VPS13B: variants seen among roughly 807,000 people sequenced by gnomAD.
The protein encoded by VPS13B is vacuolar protein sorting 13 homolog B, also known as intermembrane lipid transfer protein VPS13B.
Under a neutral mutation model 426.4 loss-of-function variants are expected in VPS13B, and 285 were observed. That is an observed-to-expected ratio of 0.67 (90% CI 0.61 to 0.74). The LOEUF is 0.74. Among genes scored for constraint, VPS13B ranks in the 30% least tolerant of loss-of-function variants. VPS13B has a pLI of 0.00. For missense variants in VPS13B, 4,537 were observed against 4,782.6 expected (o/e 0.95, Z 1.51); for synonymous variants, 1,676 against 1,676.4 (o/e 1.00, Z 0.01).
At chr8:99,335,281 G>A (rs199628060) in intron 19 of VPS13B, among the ~76,000 whole-genome samples, 20 of 151,754 alleles carry the variant, frequency 1.3e-4, no homozygotes, top group Non-Finnish European at 2.8e-4. Flanking sequence ...GCAGTCTATC[G>A]ATTTTGTTGA....
At chr8:99,099,752 A>C (rs2132442686) in intron 4 of VPS13B, among the ~76,000 whole-genome samples, 1 of 152,304 alleles carries the variant, frequency 6.6e-6, no homozygotes, top group East Asian at 1.9e-4. Context: ...GTATTGTAAA[A>C]AGGAGGAAGA....
intron 52 of VPS13B, 126 bp from the exon 53 acceptor site, chr8:99,835,071 C>T: frequency 1.7e-6 from 2 of 1,168,340 alleles, no homozygotes; most frequent in Non-Finnish European, 2.5e-6. Context: ...AAGGAATCTC[C>T]CCTGAGTTAT....
intron 54 of VPS13B, among the ~76,000 whole-genome samples, chr8:99,842,446 A>G (rs1179645404): frequency 6.7e-6 from 1 of 149,376 alleles, no homozygotes; most frequent in Non-Finnish European, 1.5e-5. Flanking sequence ...CTGTCTCTAC[A>G]GAAATTAAAA....
intron 17 of VPS13B, among the ~76,000 whole-genome samples, chr8:99,193,979 A>G (rs1458564397): frequency 1.3e-5 from 2 of 152,154 alleles, no homozygotes; most frequent in Non-Finnish European, 2.9e-5. Flanking sequence ...TACATTTCAT[A>G]TACACCTTAT....
intron 2 of VPS13B, among the ~76,000 whole-genome samples, chr8:99,033,490 T>G (rs1437132733): frequency 2.0e-5 from 3 of 152,362 alleles, no homozygotes; most frequent in Non-Finnish European, 4.4e-5. Context: ...GTGAATTTTT[T>G]ATTTTGTTGA....
intron 3 of VPS13B, among the ~76,000 whole-genome samples, chr8:99,073,233 A>G (rs1844933670): frequency 6.6e-6 from 1 of 152,052 alleles, no homozygotes; most frequent in South Asian, 2.1e-4. Context: ...GTTCCAGATT[A>G]ATTTTAGGGC....
intron 3 of VPS13B, among the ~76,000 whole-genome samples, chr8:99,056,502 A>G (rs1167188758): frequency 1.3e-5 from 2 of 152,190 alleles, no homozygotes; most frequent in Non-Finnish European, 2.9e-5. Context: ...TCTGTCTCCA[A>G]TTTGGATGCC....
At chr8:99,504,978 C>A (rs1821417180) in intron 27 of VPS13B, among the ~76,000 whole-genome samples, 1 of 152,216 alleles carries the variant, frequency 6.6e-6, no homozygotes, top group African/African-American at 2.4e-5. Context: ...TGCCACTTAT[C>A]CTTCAGCACT....
At chr8:99,771,436 G>A (rs1388876361) in intron 40 of VPS13B, among the ~76,000 whole-genome samples, 1 of 152,158 alleles carries the variant, frequency 6.6e-6, no homozygotes, top group Non-Finnish European at 1.5e-5. Flanking sequence ...GTTGTATAAA[G>A]TGCTTTTTAA....
chr8:99,223,360 A>G (rs1815836468), intron 17 of VPS13B, among the ~76,000 whole-genome samples: 1 of 152,088 alleles, frequency 6.6e-6, no homozygotes, highest in Non-Finnish European at 1.5e-5. Context: ...GTTAATAATT[A>G]TTGAGTGGTT....
chr8:99,105,644 G>T (rs1386152653), intron 5 of VPS13B, among the ~76,000 whole-genome samples: 2 of 152,172 alleles, frequency 1.3e-5, no homozygotes, highest in African/African-American at 4.8e-5. Flanking sequence ...TTCCTAGAAT[G>T]CTGGGATTAC....
At chr8:99,103,741 C>T (rs1185679962) in intron 5 of VPS13B, among the ~76,000 whole-genome samples, 1 of 151,946 alleles carries the variant, frequency 6.6e-6, no homozygotes, top group African/African-American at 2.4e-5. Context: ...CCTTGTGATC[C>T]ACCCGCCTCC....
intron 16 of VPS13B, among the ~76,000 whole-genome samples, chr8:99,192,434 G>C (rs1312318207): frequency 6.6e-6 from 1 of 151,992 alleles, no homozygotes; most frequent in African/African-American, 2.4e-5. Context: ...TGTGTGTCTT[G>C]GTTTTCCCAT....
chr8:99,689,793 C>T (rs1018093289), intron 35 of VPS13B, among the ~76,000 whole-genome samples: 3 of 152,168 alleles, frequency 2.0e-5, no homozygotes, highest in African/African-American at 7.2e-5. Context: ...GATGCTTTGC[C>T]AGTCTGCAGT....
At chr8:99,018,184 G>C (rs1841715381) in intron 2 of VPS13B, among the ~76,000 whole-genome samples, 1 of 152,074 alleles carries the variant, frequency 6.6e-6, no homozygotes, top group Non-Finnish European at 1.5e-5. Context: ...TCAGGAGTTC[G>C]AGATCAGCCT....
intron 44 of VPS13B, among the ~76,000 whole-genome samples, chr8:99,811,621 G>T (rs1476007186): frequency 1.3e-5 from 2 of 152,122 alleles, no homozygotes; most frequent in African/African-American, 2.4e-5. Context: ...TTTTAGTGTG[G>T]CTGCTAGAAC....
intron 39 of VPS13B, among the ~76,000 whole-genome samples, chr8:99,747,379 G>T (rs893011774): frequency 6.6e-6 from 1 of 151,938 alleles, no homozygotes; most frequent in East Asian, 1.9e-4. Context: ...CCAGTTGAGA[G>T]ACAGTGAAGT....
intron 19 of VPS13B, among the ~76,000 whole-genome samples, chr8:99,327,252 A>G (rs978435095): frequency 6.6e-6 from 1 of 152,184 alleles, no homozygotes; most frequent in African/African-American, 2.4e-5. Flanking sequence ...GAGTCATCCC[A>G]ATTCAATTTA....
At chr8:99,506,109 A>T (rs1821484284) in intron 27 of VPS13B, among the ~76,000 whole-genome samples, 1 of 152,160 alleles carries the variant, frequency 6.6e-6, no homozygotes, top group Non-Finnish European at 1.5e-5. Context: ...CATTCTCTAT[A>T]CCAATATAAT....
Sources: gnomAD v4.1 joint callset for allele counts (sites outside exome capture counted in the v4.1 genomes callset) on GRCh38, gnomAD v4.1.1 for gene constraint, MANE v1.5 for transcripts, NCBI Gene and HGNC (gene_info 2026-07-23, HGNC 2026-07-21) for gene names.